Variants in DPYSL4 observed in about 807,000 individuals in gnomAD.
DPYSL4 encodes dihydropyrimidinase like 4, also known as dihydropyrimidinase-related protein 4.
A neutral mutation model predicts 63.4 loss-of-function variants in DPYSL4; 43 were observed. The ratio of observed to expected loss-of-function variants is 0.68; its 90% CI spans 0.53 to 0.88. The LOEUF (loss-of-function observed/expected upper bound fraction) is 0.88. Among genes scored for constraint, DPYSL4 ranks in the 40% least tolerant of loss-of-function variants. The pLI is 0.00. For synonymous variants in DPYSL4, 353 were observed against 331.7 expected (o/e 1.06, Z -0.70); for missense variants, 733 against 819.5 (o/e 0.89, Z 1.29).
chr10:132,202,603 G>A (rs1379165407), intron 11 of DPYSL4, 43 bp from the exon 12 acceptor site: 2 of 1,604,684 alleles, frequency 1.2e-6, no homozygotes, highest in East Asian at 2.2e-5. Flanking sequence ...GGACTGTTGG[G>A]CCCCAGCGTG....
intron 3 of DPYSL4, 50 bp from the exon 4 acceptor site, chr10:132,194,795 T>TGGGAACC: frequency 6.3e-7 from 1 of 1,591,592 alleles, no homozygotes; most frequent in Non-Finnish European, 8.6e-7. Flanking sequence ...GAGGCAGAGG[T>TGGGAACC]GGGAACCAGG....
intron 7 of DPYSL4, 35 bp from the exon 8 acceptor site, chr10:132,198,816 C>T: frequency 6.2e-7 from 1 of 1,610,178 alleles, no homozygotes; most frequent in South Asian, 1.1e-5. Context: ...CCCCAGGGCC[C>T]TCGTGTGGCC....
intron 1 of DPYSL4, among the ~76,000 whole-genome samples, chr10:132,189,716 C>T (rs1272774438): frequency 6.6e-6 from 1 of 152,132 alleles, no homozygotes; most frequent in Non-Finnish European, 1.5e-5. Context: ...GTCCCAGAGC[C>T]CCTCATCTCA....
At chr10:132,202,455 A>G (rs993974390) in intron 11 of DPYSL4, among the ~76,000 whole-genome samples, 191 bp from the exon 12 acceptor site, 6 of 152,196 alleles carry the variant, frequency 3.9e-5, no homozygotes, top group African/African-American at 1.4e-4. Flanking sequence ...CTCAGAAACG[A>G]GGTCCGTAGG....
At chr10:132,187,300 AC>A (rs1167112782) in intron 1 of DPYSL4, among the ~76,000 whole-genome samples, 198 bp downstream of exon 1, 96 of 149,156 alleles carry the variant, frequency 6.4e-4, no homozygotes, top group African/African-American at 2.3e-3. Context: ...CGCCGCGCAG[AC>A]CCCCTTAAGG....
chr10:132,204,759 C>G, intron 13 of DPYSL4, 80 bp from the exon 14 acceptor site: 1 of 1,298,208 alleles, frequency 7.7e-7, no homozygotes, highest in Non-Finnish European at 1.1e-6. Flanking sequence ...GACGCAGCCA[C>G]TGACTCTGCC....
At chr10:132,202,920 C>T (rs2062039214) in intron 12 of DPYSL4, 95 bp downstream of exon 12, 2 of 1,446,128 alleles carry the variant, frequency 1.4e-6, no homozygotes, top group Admixed American at 4.6e-5. Flanking sequence ...GCCCGGCCTC[C>T]CGAGGGGTCA....
In DPYSL4 at chr10:132,202,666, C is replaced by T. The variant is rs376014914; in HGVS notation, c.1302C>T (p.Phe434=). The T allele has an allele frequency of 6.3e-5, 101 of 1,612,854 alleles. No individual in the cohort carries two copies. The highest frequency in any genetic ancestry group is 9.3e-5 in the African/African-American group (7 of 75,042). The change falls in exon 12 of 14, where the codon TTC becomes TTT. Residue 434 remains phenylalanine, a synonymous_variant. Coordinates refer to ENST00000338492, the MANE Select transcript of DPYSL4 (RefSeq NM_006426.3). Reference sequence around the variant, plus strand: ...CCCAGAACGTGGAGTACAACATCTTCGAGGGAGTGGAGTGCCGGGGAGCGC... The same window carrying T: ...CCCAGAACGTGGAGTACAACATCTTTGAGGGAGTGGAGTGCCGGGGAGCGC... ...THNLNVEYNI[F]EGVECRGAPA... is the part of the protein sequence containing the mutation.
chr10:132,203,991 T>G, intron 13 of DPYSL4, 64 bp downstream of exon 13: 1 of 1,536,814 alleles, frequency 6.5e-7, no homozygotes, highest in South Asian at 1.2e-5. Context: ...GGGCCTCAGG[T>G]ACCAGGGCCC....
rs761598819 is a variant in DPYSL4, at chr10:132,198,921, A to C, written c.761A>C (p.Lys254Thr). 2 of 1,612,778 alleles carry C rather than the reference A, an allele frequency of 1.2e-6. No homozygotes were observed. Among genetic ancestry groups the C allele is most frequent in the African/African-American group, 2.7e-5 (2 of 74,938 alleles). The change falls in exon 8 of 14, where the codon AAG (lysine) becomes ACG (threonine). Residue 254 changes from lysine to threonine, a missense_variant. Lys to Thr is a moderately conservative substitution (Grantham distance 78). Transcript: ENST00000338492. ...GCAAACTGCCCGCTGTACGTCACCA[A>C]GGTGATGAGCAAGGGGGCGGCCGAC... ...KQANCPLYVT[K>T]VMSKGAADAI... is the part of the protein sequence containing the mutation.
At chr10:132,196,133 C>A (rs1389851300) in intron 4 of DPYSL4, among the ~76,000 whole-genome samples, 2 of 152,214 alleles carry the variant, frequency 1.3e-5, no homozygotes, top group Non-Finnish European at 2.9e-5. Context: ...CTAGCACTTT[C>A]CACCCAGCGA....
At chr10:132,198,575 G>A in intron 7 of DPYSL4, 92 bp downstream of exon 7, 3 of 1,344,946 alleles carry the variant, frequency 2.2e-6, no homozygotes, top group Non-Finnish European at 3.1e-6. Flanking sequence ...TGGGCTCCTG[G>A]CCCTGCCACT....
At chr10:132,191,530 G>T (rs61009881) in intron 2 of DPYSL4, among the ~76,000 whole-genome samples, 1 of 63,972 alleles carries the variant, frequency 1.6e-5, no homozygotes, top group Non-Finnish European at 3.1e-5. Context: ...TTCCCAGCTC[G>T]TGTGTACACG....
In DPYSL4 at chr10:132,202,034, G is replaced by A. The variant is rs1419103594; in HGVS notation, c.1199G>A (p.Arg400Gln). Residue 400 changes from arginine (R) to glutamine (Q), a missense_variant, in exon 11 of 14, where the codon CGA becomes CAA. Arg to Gln is a conservative substitution (Grantham distance 43). Transcript: ENST00000338492. Reference sequence around the variant, plus strand: ...TTCAATTTTTACCCAAGGAAGGGGCGAGTGGCTGTGGGCTCTGACGCTGAC... The same window carrying A: ...TTCAATTTTTACCCAAGGAAGGGGCAAGTGGCTGTGGGCTCTGACGCTGAC... The part of the protein sequence containing the change: ...KIFNFYPRKG[R>Q]VAVGSDADLV... The A allele has an allele frequency of 8.7e-6, 14 of 1,613,224 alleles. No homozygotes were observed. The highest frequency in any genetic ancestry group is 2.2e-5 in the East Asian group (1 of 44,898).
chr10:132,199,264 G>A (rs2061982240), intron 8 of DPYSL4, among the ~76,000 whole-genome samples: 1 of 152,108 alleles, frequency 6.6e-6, no homozygotes, highest in African/African-American at 2.4e-5. Flanking sequence ...GGAATGATGA[G>A]GAGGGTCTCC....
intron 2 of DPYSL4, among the ~76,000 whole-genome samples, chr10:132,191,089 G>A (rs2061869273): frequency 7.0e-6 from 1 of 143,418 alleles, no homozygotes; most frequent in African/African-American, 2.6e-5. Flanking sequence ...ATAGTTCCCA[G>A]CTCGTGTGTA....
At chr10:132,193,628 G>A (rs976493759) in intron 3 of DPYSL4, among the ~76,000 whole-genome samples, 1 of 152,254 alleles carries the variant, frequency 6.6e-6, no homozygotes, top group South Asian at 2.1e-4. Context: ...GGTTGAGAAC[G>A]GGTCTGAGGA....
rs151101675 is a variant in DPYSL4, at chr10:132,205,295, G to A, written c.*365G>A. 42 of 185,808 alleles carry A rather than the reference G, an allele frequency of 2.3e-4. No individual in the cohort carries two copies. Among genetic ancestry groups the A allele is most frequent in the African/African-American group, 6.3e-4 (27 of 42,850 alleles). The allele number at this position is 185,808 out of a possible 1,614,324, so 11.5% of individuals were successfully genotyped here. A position where few individuals can be genotyped will look rare whatever the true frequency, so the allele number is the denominator to read the frequency against. On this transcript the variant is annotated 3_prime_UTR_variant, in exon 14 of 14. Transcript: ENST00000338492. ...TGGACACCAGGCTTCTTGGTGAACC[G>A]GCGAGGGGCCGAGTCCCGCCTGGTG... is the stretch of plus-strand genomic sequence containing the variant.
intron 8 of DPYSL4, among the ~76,000 whole-genome samples, chr10:132,199,965 C>T (rs182694715): frequency 6.6e-6 from 1 of 152,256 alleles, no homozygotes; most frequent in East Asian, 1.9e-4. Context: ...TGGGAGCTGC[C>T]TCAGCTGTGA....
Sources: gnomAD v4.1 joint callset for allele counts (sites outside exome capture counted in the v4.1 genomes callset) on GRCh38, gnomAD v4.1.1 for gene constraint, MANE v1.5 for transcripts, NCBI Gene and HGNC (gene_info 2026-07-23, HGNC 2026-07-21) for gene names.